The following DNAI7 variants were observed in gnomAD, a reference collection of about 807,000 sequenced individuals.
The protein encoded by DNAI7 is dynein axonemal intermediate chain 7.
Under a neutral mutation model 86.6 loss-of-function variants are expected in DNAI7, and 78 were observed. That is an observed-to-expected ratio of 0.90 (90% CI 0.75 to 1.09). The LOEUF (loss-of-function observed/expected upper bound fraction) is 1.09. DNAI7 is among the 50% of genes least tolerant of loss of function. The probability of loss-of-function intolerance (pLI) is 0.00; values close to 1 mark genes in which losing one functional copy is unlikely to be tolerated. For missense variants in DNAI7, 753 were observed against 810.2 expected, an observed-to-expected ratio of 0.93 and a Z score of 0.86; for synonymous variants, 274 against 273.0, an observed-to-expected ratio of 1.00 and a Z score of -0.04.
At chr12:25,118,718 C>T (rs1459437552) in intron 12 of DNAI7, among the ~76,000 whole-genome samples, 7 of 152,094 alleles carry the variant, frequency 4.6e-5, no homozygotes, top group African/African-American at 1.4e-4. Flanking sequence ...CACACCATCA[C>T]GCCCAGCTAA....
chr12:25,115,065 G>T (rs11047846), intron 12 of DNAI7, among the ~76,000 whole-genome samples, 195 bp from the exon 13 acceptor site: 59,722 of 152,128 alleles, frequency 0.39, 13,735 homozygotes, highest in East Asian at 0.77. Context: ...AGCATGGTAA[G>T]ACCTTCAGAA....
At chr12:25,194,078 C>A (rs1008076140) in intron 1 of DNAI7, among the ~76,000 whole-genome samples, 1 of 151,946 alleles carries the variant, frequency 6.6e-6, no homozygotes, top group Non-Finnish European at 1.5e-5. Flanking sequence ...CCTCGGCCTC[C>A]CAAAGTGCTG....
At chr12:25,147,242 CAAT>C in intron 7 of DNAI7, 138 bp from the exon 8 acceptor site, 1 of 540,414 alleles carries the variant, frequency 1.9e-6, no homozygotes, top group Non-Finnish European at 3.3e-6. Flanking sequence ...AAATAAGGTT[CAAT>C]CAACATGACA....
chr12:25,146,270 C>G (rs1046664722), intron 8 of DNAI7, among the ~76,000 whole-genome samples: 1 of 28,104 alleles, frequency 3.6e-5, no homozygotes, highest in African/African-American at 5.0e-5. Context: ...CACAAAGATA[C>G]ATTAAAAAAA....
intron 2 of DNAI7, among the ~76,000 whole-genome samples, chr12:25,174,604 GAT>G (rs1223840380): frequency 4.1e-5 from 4 of 96,544 alleles, no homozygotes; most frequent in African/African-American, 8.8e-5. Flanking sequence ...ATATATATAT[GAT>G]ATATATATCA....
intron 11 of DNAI7, among the ~76,000 whole-genome samples, chr12:25,121,153 G>A (rs917253908): frequency 7.2e-5 from 11 of 152,126 alleles, no homozygotes; most frequent in Non-Finnish European, 1.6e-4. Flanking sequence ...TTTGAGGTGG[G>A]GCTCATTAAT....
At chr12:25,138,885 A>C (rs1427533118) in intron 9 of DNAI7, among the ~76,000 whole-genome samples, 1 of 151,758 alleles carries the variant, frequency 6.6e-6, no homozygotes, top group Admixed American at 6.6e-5. Flanking sequence ...ATTGAAACAA[A>C]AAAAAAAATA....
Position 25,108,363 on chromosome 12 carries a change from G to A in DNAI7, c.*185C>T. On this transcript the variant is annotated 3_prime_UTR_variant, in exon 16 of 16. Transcript: ENST00000395987. ...GAGTGAAAGCTGAAATTCTTAACAG[G>A]CCAAGTATTCAAAGGAAAAAAAAAT... The A allele has an allele frequency of 5.3e-6, 3 of 569,012 alleles. No homozygotes were observed. The highest frequency in any genetic ancestry group is 3.3e-5 in the South Asian group (1 of 30,558). The allele number at this position is 569,012 out of a possible 1,614,324, so 35.2% of individuals were successfully genotyped here.
intron 2 of DNAI7, among the ~76,000 whole-genome samples, chr12:25,169,082 CT>C (rs1304063131): frequency 6.6e-6 from 1 of 152,136 alleles, no homozygotes; most frequent in East Asian, 1.9e-4. Context: ...TTTTATTTTT[CT>C]TATTAATATA....
intron 2 of DNAI7, among the ~76,000 whole-genome samples, chr12:25,182,395 A>G (rs1197532704): frequency 2.0e-5 from 3 of 151,456 alleles, no homozygotes; most frequent in South Asian, 2.1e-4. Flanking sequence ...TTATTGTAGT[A>G]CTAGTCACAA....
intron 14 of DNAI7, among the ~76,000 whole-genome samples, chr12:25,111,487 G>A (rs1023847689): frequency 6.6e-6 from 1 of 152,094 alleles, no homozygotes; most frequent in African/African-American, 2.4e-5. Flanking sequence ...ATCCAGTAAT[G>A]CAAAAAGAAA....
chr12:25,108,463 T>G lies in DNAI7; in HGVS notation c.*85A>C, dbSNP rs1949406546. 1 of 1,111,840 alleles carries G rather than the reference T, an allele frequency of 9.0e-7. No homozygotes were observed. Among genetic ancestry groups the G allele is most frequent in the South Asian group, 1.8e-5 (1 of 55,530 alleles). 68.9% of individuals were successfully genotyped at this position (1,111,840 alleles called of 1,614,324 possible). The stretch of plus-strand genomic sequence containing the variant: ...TAATAGTTGATTTGAAATGTATTCA[T>G]TCACTCATTACATTGTGTTGCAGAA... On this transcript the variant is annotated 3_prime_UTR_variant, in exon 16 of 16. Transcript: ENST00000395987.
At chr12:25,165,574 C>A (rs1434105570) in intron 2 of DNAI7, among the ~76,000 whole-genome samples, 3 of 152,204 alleles carry the variant, frequency 2.0e-5, no homozygotes, top group Non-Finnish European at 1.5e-5. Context: ...TGGCCCAAGG[C>A]TCTCTGACTG....
At chr12:25,160,209 C>T (rs1946683485) in intron 3 of DNAI7, among the ~76,000 whole-genome samples, 1 of 152,018 alleles carries the variant, frequency 6.6e-6, no homozygotes, top group Non-Finnish European at 1.5e-5. Context: ...AATATAAACA[C>T]TTCAAGATAG....
rs555584120 is a variant in DNAI7, at chr12:25,147,014, T to C, written c.676A>G (p.Lys226Glu). 20 of 1,575,538 alleles carry C rather than the reference T, an allele frequency of 1.3e-5. No homozygotes were observed. Among genetic ancestry groups the C allele is most frequent in the Non-Finnish European group, 1.7e-5 (20 of 1,145,148 alleles). Residue 226 changes from lysine (K) to glutamate (E), a missense_variant, in exon 8 of 16, where the codon AAG becomes GAG. By Grantham distance (56) the Lys-to-Glu change is moderately conservative (BLOSUM62 1). Transcript: ENST00000395987. ...CCACAAGGGTACCTTGGATTCTTCTTGAGGTTTGCCCACACATACAGAGTA... is the reference window on the plus strand; with the variant it reads ...CCACAAGGGTACCTTGGATTCTTCTCGAGGTTTGCCCACACATACAGAGTA... ...NVTLYVWANLKKNPRHRSVRF... is the reference protein window; with the variant it reads ...NVTLYVWANLEKNPRHRSVRF...
intron 9 of DNAI7, among the ~76,000 whole-genome samples, chr12:25,124,414 T>C (rs1941795333): frequency 6.6e-6 from 1 of 151,848 alleles, no homozygotes; most frequent in South Asian, 2.1e-4. Flanking sequence ...ACACTGGCAA[T>C]AAAAAACAAG....
In DNAI7 at chr12:25,108,562, G is replaced by A; in HGVS notation, c.2155C>T (p.Leu719Phe). ...GTAAGTGGAGGTTAGGAGTAGCTGAGCAATCTGGTAGAGAGCAGCATGTGG... is the reference window on the plus strand; with the variant it reads ...GTAAGTGGAGGTTAGGAGTAGCTGAACAATCTGGTAGAGAGCAGCATGTGG... ...VCHMLLSTRLLSYS is the reference protein window; with the variant it reads ...VCHMLLSTRLFSYS Residue 719 changes from leucine to phenylalanine, a missense_variant, in exon 16 of 16, where the codon CTC becomes TTC. Transcript: ENST00000395987. The A allele has an allele frequency of 1.9e-6, 3 of 1,612,752 alleles. No individual in the cohort carries two copies. Among genetic ancestry groups the A allele is most frequent in the South Asian group, 1.1e-5 (1 of 90,890 alleles).
At chr12:25,107,269 A>G (rs1217299509), downstream of DNAI7, among the ~76,000 whole-genome samples, 1 of 152,166 alleles carries the variant, frequency 6.6e-6, no homozygotes, top group Non-Finnish European at 1.5e-5. Flanking sequence ...TATATGTTAT[A>G]TTCTATTTTA....
chr12:25,132,484 C>T (rs1245510653), intron 9 of DNAI7, among the ~76,000 whole-genome samples: 1 of 150,932 alleles, frequency 6.6e-6, no homozygotes, highest in Non-Finnish European at 1.5e-5. Flanking sequence ...TCCAAACAAA[C>T]TAGTGTTGTT....
Sources: allele counts gnomAD v4.1 joint callset (sites outside exome capture counted in the v4.1 genomes callset), GRCh38; gene constraint gnomAD v4.1.1; transcripts MANE v1.5; gene names NCBI Gene and HGNC (gene_info 2026-07-23, HGNC 2026-07-21).